Variants in PCDH7 observed in about 807,000 individuals in gnomAD.
PCDH7 encodes protocadherin-7.
In PCDH7, 17 loss-of-function variants were observed where a neutral mutation model predicts 58.9. That is an observed-to-expected ratio of 0.29 (90% CI 0.20 to 0.43). The LOEUF (loss-of-function observed/expected upper bound fraction) is 0.43. Ranked by LOEUF, PCDH7 falls within the 20% of genes least tolerant of loss-of-function variation. The pLI is 1.00. For synonymous variants in PCDH7, 664 were observed against 616.4 expected, an observed-to-expected ratio of 1.08 and a Z score of -1.14; for missense variants, 1,274 against 1,441.0, an observed-to-expected ratio of 0.88 and a Z score of 1.88.
chr4:30,750,306 C>G (rs1718341305), intron 1 of PCDH7, among the ~76,000 whole-genome samples: 1 of 152,088 alleles, frequency 6.6e-6, no homozygotes, highest in Admixed American at 6.6e-5. Flanking sequence ...TATGGGCTAG[C>G]AATTTCTCAT....
chr4:30,991,773 A>G (rs1303689689), intron 3 of PCDH7, among the ~76,000 whole-genome samples: 1 of 152,178 alleles, frequency 6.6e-6, no homozygotes, highest in Non-Finnish European at 1.5e-5. Flanking sequence ...CACAGAAAAT[A>G]ATTAAAGTAT....
At chr4:30,957,961 T>G (rs1748021048) in intron 3 of PCDH7, among the ~76,000 whole-genome samples, 1 of 152,128 alleles carries the variant, frequency 6.6e-6, no homozygotes, top group South Asian at 2.1e-4. Context: ...ATCATTTGAA[T>G]ATGTTTTATG....
chr4:31,036,020 T>C (rs1324091251), intron 3 of PCDH7, among the ~76,000 whole-genome samples: 1 of 152,194 alleles, frequency 6.6e-6, no homozygotes, highest in East Asian at 1.9e-4. Flanking sequence ...TTTTGTTCCT[T>C]AAACTTGAAC....
chr4:30,964,829 G>A (rs1416148995), intron 3 of PCDH7, among the ~76,000 whole-genome samples: 6 of 152,056 alleles, frequency 3.9e-5, no homozygotes, highest in African/African-American at 1.4e-4. Flanking sequence ...AACTACTTAG[G>A]TTTTGTTGGT....
chr4:30,885,671 C>A (rs551978255), intron 1 of PCDH7, among the ~76,000 whole-genome samples: 1 of 152,234 alleles, frequency 6.6e-6, no homozygotes, highest in South Asian at 2.1e-4. Flanking sequence ...CAAGTCAATC[C>A]TAAGCCAAAA....
intron 1 of PCDH7, among the ~76,000 whole-genome samples, chr4:30,893,074 G>A (rs1444217261): frequency 6.6e-6 from 1 of 152,010 alleles, no homozygotes; most frequent in Non-Finnish European, 1.5e-5. Context: ...TAGAAGTATT[G>A]TAGGGTCATT....
At chr4:31,015,648 G>A (rs1753551678) in intron 3 of PCDH7, among the ~76,000 whole-genome samples, 1 of 152,010 alleles carries the variant, frequency 6.6e-6, no homozygotes, top group Non-Finnish European at 1.5e-5. Context: ...CTTTACCCAT[G>A]TCTGCATTAT....
At chr4:30,840,307 A>G (rs1731045805) in intron 1 of PCDH7, among the ~76,000 whole-genome samples, 1 of 151,678 alleles carries the variant, frequency 6.6e-6, no homozygotes, top group Non-Finnish European at 1.5e-5. Flanking sequence ...TATTCTTTCC[A>G]CTTCTTTTCT....
chr4:31,070,268 C>G (rs552678282), intron 3 of PCDH7, among the ~76,000 whole-genome samples: 1 of 152,142 alleles, frequency 6.6e-6, no homozygotes, highest in South Asian at 2.1e-4. Context: ...AATACACAGG[C>G]TCATTCAACA....
chr4:30,849,939 C>G (rs1390905488), intron 1 of PCDH7, among the ~76,000 whole-genome samples: 1 of 152,036 alleles, frequency 6.6e-6, no homozygotes, highest in Non-Finnish European at 1.5e-5. Flanking sequence ...TGTCAGGACC[C>G]CAATCTTTGT....
In PCDH7 at chr4:30,843,973, A is replaced by G. The variant is rs372834485; in HGVS notation, c.71-76180A>G. On this transcript the variant is annotated intron_variant, in intron 1 of 3. Coordinates refer to the PCDH7 transcript ENST00000509759. The stretch of plus-strand genomic sequence containing the variant: ...AAAAAAAGTCATAGTAACAAGGAGC[A>G]AATGTCATGATCTTGACAATCAAAT... Among the ~76,000 whole-genome samples, 7 of 152,232 alleles carry G rather than the reference A, an allele frequency of 4.6e-5. No homozygotes were observed. In the East Asian group the frequency reaches 1.2e-3, roughly 25 times the overall value.
At chr4:30,800,801 T>A (rs1315729520) in intron 1 of PCDH7, among the ~76,000 whole-genome samples, 1 of 152,154 alleles carries the variant, frequency 6.6e-6, no homozygotes, top group African/African-American at 2.4e-5. Context: ...ACAGGGAGCA[T>A]GGGATGAGTG....
At chr4:30,936,247 C>T (rs1033786603) in intron 2 of PCDH7, among the ~76,000 whole-genome samples, 5 of 151,774 alleles carry the variant, frequency 3.3e-5, no homozygotes, top group South Asian at 2.1e-4. Flanking sequence ...AAGGTAATAT[C>T]GACATTTTAC....
chr4:30,963,405 A>T (rs1397494368), intron 3 of PCDH7, among the ~76,000 whole-genome samples: 1 of 152,150 alleles, frequency 6.6e-6, no homozygotes, highest in Non-Finnish European at 1.5e-5. Flanking sequence ...GCTCTCCATG[A>T]TTATTTAAGA....
intron 1 of PCDH7, among the ~76,000 whole-genome samples, chr4:30,904,157 T>C (rs1371544507): frequency 6.6e-6 from 1 of 152,178 alleles, no homozygotes; most frequent in Non-Finnish European, 1.5e-5. Context: ...CAACCTACTA[T>C]ATAAGTTTTC....
chr4:31,076,068 A>T (rs1177564202), intron 3 of PCDH7, among the ~76,000 whole-genome samples: 1 of 152,176 alleles, frequency 6.6e-6, no homozygotes, highest in African/African-American at 2.4e-5. Flanking sequence ...TGTGGCATAT[A>T]TATTTCATTC....
chr4:31,030,514 C>T (rs1425081176), intron 3 of PCDH7, among the ~76,000 whole-genome samples: 1 of 152,100 alleles, frequency 6.6e-6, no homozygotes, highest in Non-Finnish European at 1.5e-5. Context: ...AGCCAAGTTA[C>T]ACTTTTATTT....
At chr4:31,010,766 C>G (rs1753109513) in intron 3 of PCDH7, among the ~76,000 whole-genome samples, 1 of 151,698 alleles carries the variant, frequency 6.6e-6, no homozygotes, top group African/African-American at 2.4e-5. Context: ...CATGTTTAAC[C>G]AGACCTCCAC....
intron 3 of PCDH7, among the ~76,000 whole-genome samples, chr4:31,051,237 G>T (rs376285346): frequency 7.9e-5 from 12 of 152,092 alleles, no homozygotes; most frequent in African/African-American, 2.9e-4. Flanking sequence ...CCATTATAAT[G>T]ATGTGTTTAC....
Sources: allele counts gnomAD v4.1 joint callset (sites outside exome capture counted in the v4.1 genomes callset), GRCh38; gene constraint gnomAD v4.1.1; transcripts MANE v1.5; gene names NCBI Gene and HGNC (gene_info 2026-07-23, HGNC 2026-07-21).